NTNG1: variants seen among roughly 807,000 people sequenced by gnomAD.
NTNG1 encodes netrin-G1.
A neutral mutation model predicts 54.0 loss-of-function variants in NTNG1; 16 were observed. The ratio of observed to expected loss-of-function variants is 0.30; its 90% CI spans 0.20 to 0.45. The LOEUF is 0.45. Among genes scored for constraint, NTNG1 ranks in the 20% least tolerant of loss-of-function variants. The pLI is 1.00. For synonymous variants in NTNG1, 255 were observed against 263.1 expected, an observed-to-expected ratio of 0.97 and a Z score of 0.30; for missense variants, 530 against 678.7, an observed-to-expected ratio of 0.78 and a Z score of 2.43.
intron 7 of NTNG1, among the ~76,000 whole-genome samples, chr1:107,442,409 C>G (rs375017050): frequency 6.6e-6 from 1 of 151,886 alleles, no homozygotes; most frequent in African/African-American, 2.4e-5. Flanking sequence ...CAATAGACTA[C>G]CTATAAAAAA....
chr1:107,184,954 T>A (rs1657340562), intron 2 of NTNG1, among the ~76,000 whole-genome samples: 1 of 152,170 alleles, frequency 6.6e-6, no homozygotes, highest in East Asian at 1.9e-4. Flanking sequence ...TGGGGACAAG[T>A]TGACATCTGG....
rs1355238027 is a variant in NTNG1 at position 107,141,084 on chromosome 1, TGCGG to T, written c.-579_-576del. 6.6e-6 allele frequency: 1 copy of T among 152,218 alleles called. No individual in the cohort carries two copies. The highest frequency in any genetic ancestry group is 1.5e-5 in the Non-Finnish European group (1 of 67,960). The allele number at this position is 152,218 out of a possible 1,614,324, so 9.4% of individuals were successfully genotyped here. ...AACGGGAAGGAATTCCCCCTCTGGGTGCGGGCTCCGAGAGGGGGCGACTTGCAGG... is the reference window on the plus strand; with the variant it reads ...AACGGGAAGGAATTCCCCCTCTGGGTGCTCCGAGAGGGGGCGACTTGCAGG... On this transcript the variant is annotated 5_prime_UTR_variant, in exon 1 of 8. Coordinates refer to ENST00000370068, the MANE Select transcript of NTNG1 (RefSeq NM_001113226.3).
intron 2 of NTNG1, among the ~76,000 whole-genome samples, chr1:107,161,660 C>CAA (rs35347655): frequency 8.4e-5 from 8 of 95,280 alleles, no homozygotes; most frequent in African/African-American, 2.4e-4. Context: ...AACTGTGTCT[C>CAA]AAAAAAAAAA....
At chr1:107,436,623 T>C in intron 6 of NTNG1, 42 bp from the exon 7 acceptor site, 1 of 1,599,216 alleles carries the variant, frequency 6.3e-7, no homozygotes, top group Non-Finnish European at 8.5e-7. Context: ...CTGTAAGCCA[T>C]GCAGACTTGT....
chr1:107,172,294 A>G (rs1656307046), intron 2 of NTNG1, among the ~76,000 whole-genome samples: 1 of 152,156 alleles, frequency 6.6e-6, no homozygotes, highest in Non-Finnish European at 1.5e-5. Context: ...TGCCAAGGGA[A>G]TTCTTGGGGA....
chr1:107,469,352 G>C (rs1045324959), intron 7 of NTNG1, among the ~76,000 whole-genome samples: 4 of 152,158 alleles, frequency 2.6e-5, no homozygotes, highest in Non-Finnish European at 5.9e-5. Flanking sequence ...CCATGTGTTA[G>C]TTAGCTCCCT....
intron 2 of NTNG1, among the ~76,000 whole-genome samples, chr1:107,241,743 T>G (rs928433547): frequency 1.3e-5 from 2 of 152,152 alleles, no homozygotes; most frequent in Non-Finnish European, 2.9e-5. Flanking sequence ...AAAATTTGAT[T>G]GCTTAATTCA....
At chr1:107,397,623 C>G (rs1480182760) in intron 4 of NTNG1, among the ~76,000 whole-genome samples, 2 of 152,124 alleles carry the variant, frequency 1.3e-5, no homozygotes, top group African/African-American at 4.8e-5. Context: ...AGCCTAACAC[C>G]TGTCACAAAA....
chr1:107,173,008 C>T (rs921553657), intron 2 of NTNG1, among the ~76,000 whole-genome samples: 2 of 152,024 alleles, frequency 1.3e-5, no homozygotes, highest in Non-Finnish European at 2.9e-5. Context: ...TTTTCTGTTT[C>T]CAGATTAGTA....
At chr1:107,185,000 G>A (rs1236125090) in intron 2 of NTNG1, among the ~76,000 whole-genome samples, 3 of 152,094 alleles carry the variant, frequency 2.0e-5, no homozygotes, top group Non-Finnish European at 4.4e-5. Context: ...GTCTCCTCAC[G>A]TGTCTGGCAG....
intron 2 of NTNG1, among the ~76,000 whole-genome samples, chr1:107,164,620 C>T (rs911108167): frequency 6.6e-6 from 1 of 152,130 alleles, no homozygotes; most frequent in East Asian, 1.9e-4. Flanking sequence ...ATTTAAGCTC[C>T]TATGAGAGTA....
At chr1:107,416,136 T>C (rs1570914436) in intron 5 of NTNG1, among the ~76,000 whole-genome samples, 2 of 152,112 alleles carry the variant, frequency 1.3e-5, no homozygotes, top group Non-Finnish European at 2.9e-5. Context: ...GGCCACAAAT[T>C]TCAATATCCA....
chr1:107,343,818 G>A (rs1384475293), intron 3 of NTNG1, among the ~76,000 whole-genome samples: 1 of 152,114 alleles, frequency 6.6e-6, no homozygotes, highest in Non-Finnish European at 1.5e-5. Context: ...TGAAGGCTGC[G>A]TGCATTTGAT....
intron 3 of NTNG1, among the ~76,000 whole-genome samples, chr1:107,380,779 A>C (rs957678146): frequency 6.6e-6 from 1 of 152,170 alleles, no homozygotes; most frequent in Non-Finnish European, 1.5e-5. Flanking sequence ...CCCTGACCAT[A>C]CCCTGACCAT....
At chr1:107,289,510 C>T (rs1422404619) in intron 2 of NTNG1, among the ~76,000 whole-genome samples, 1 of 152,106 alleles carries the variant, frequency 6.6e-6, no homozygotes, top group Non-Finnish European at 1.5e-5. Context: ...GAATGTCATT[C>T]CCACCTCTCA....
intron 2 of NTNG1, among the ~76,000 whole-genome samples, chr1:107,252,282 G>A (rs981865266): frequency 6.6e-6 from 1 of 152,158 alleles, no homozygotes; most frequent in Non-Finnish European, 1.5e-5. Context: ...AAAGCCATTT[G>A]CTGATTTGCT....
At chr1:107,409,203 A>G (rs1041527697) in intron 5 of NTNG1, 3 of 152,004 alleles carry the variant, frequency 2.0e-5, no homozygotes, top group Non-Finnish European at 2.9e-5. Context: ...CTGTATATAT[A>G]CCCCACAATG....
At chr1:107,379,615 C>T (rs1036834603) in intron 3 of NTNG1, among the ~76,000 whole-genome samples, 7 of 152,124 alleles carry the variant, frequency 4.6e-5, no homozygotes, top group African/African-American at 1.7e-4. Context: ...CCCTATCAGC[C>T]CTCCTTCCCA....
In NTNG1 at chr1:107,232,986, A is replaced by G. The variant is rs891749116; in HGVS notation, c.246+84147A>G. Among the ~76,000 whole-genome samples, 4 of 152,220 alleles carry G rather than the reference A, an allele frequency of 2.6e-5. No homozygotes were observed. In the East Asian group the frequency reaches 7.7e-4, roughly 29 times the overall value. On this transcript the variant is annotated intron_variant, in intron 2 of 7. Coordinates refer to ENST00000370068, the MANE Select transcript of NTNG1 (RefSeq NM_001113226.3). ...AATATGCTTTTTCCATTTTATGGATAATAATGTAATTTTTATTAGCTTTTT... is the reference window on the plus strand; with the variant it reads ...AATATGCTTTTTCCATTTTATGGATGATAATGTAATTTTTATTAGCTTTTT...
Sources: gnomAD v4.1 joint callset for allele counts (sites outside exome capture counted in the v4.1 genomes callset) on GRCh38, gnomAD v4.1.1 for gene constraint, MANE v1.5 for transcripts, NCBI Gene and HGNC (gene_info 2026-07-23, HGNC 2026-07-21) for gene names.